Variants in CSMD1 observed in about 807,000 individuals in gnomAD.
CSMD1 encodes the protein CUB and Sushi multiple domains 1, also known as CUB and sushi domain-containing protein 1.
Under a neutral mutation model 417.5 loss-of-function variants are expected in CSMD1, and 213 were observed. That is an observed-to-expected ratio of 0.51 (90% CI 0.46 to 0.57). The LOEUF is 0.57. Ranked by LOEUF, CSMD1 falls within the 20% of genes least tolerant of loss-of-function variation. The pLI, the probability that CSMD1 is intolerant of heterozygous loss-of-function variation, is 0.00. For missense variants in CSMD1, 6,923 were observed against 4,529.7 expected, an observed-to-expected ratio of 1.53 and a Z score of -15.17; for synonymous variants, 2,862 against 1,736.8, an observed-to-expected ratio of 1.65 and a Z score of -16.11.
At chr8:4,750,383 G>A (rs1367873556) in intron 1 of CSMD1, among the ~76,000 whole-genome samples, 3 of 152,076 alleles carry the variant, frequency 2.0e-5, no homozygotes, top group South Asian at 2.1e-4. Flanking sequence ...GTAGTTTAGG[G>A]TTATCAAGAT....
chr8:3,449,777 C>T (rs372540043), intron 12 of CSMD1, among the ~76,000 whole-genome samples: 10 of 152,170 alleles, frequency 6.6e-5, no homozygotes, highest in Non-Finnish European at 1.3e-4. Flanking sequence ...CTTGGCCTCC[C>T]AAAGTGCCAG....
chr8:4,128,140 C>A (rs1021962750), intron 3 of CSMD1, among the ~76,000 whole-genome samples: 11 of 152,246 alleles, frequency 7.2e-5, no homozygotes, highest in African/African-American at 2.6e-4. Flanking sequence ...CTCCCACCCC[C>A]ACCTCTGGAG....
intron 26 of CSMD1, among the ~76,000 whole-genome samples, chr8:3,256,389 C>G (rs1005252979): frequency 2.6e-5 from 4 of 151,892 alleles, no homozygotes; most frequent in Non-Finnish European, 5.9e-5. Context: ...TGGCAGTAGG[C>G]AGACACTGTG....
chr8:4,078,818 T>C (rs2130804923), intron 3 of CSMD1, among the ~76,000 whole-genome samples: 2 of 148,540 alleles, frequency 1.3e-5, no homozygotes, highest in East Asian at 4.0e-4. Flanking sequence ...GGTAGATTAC[T>C]TGAGGTCAGG....
chr8:2,996,036 T>A (rs1166851216), intron 54 of CSMD1, among the ~76,000 whole-genome samples: 1 of 152,156 alleles, frequency 6.6e-6, no homozygotes, highest in Non-Finnish European at 1.5e-5. Context: ...ATTCTACCAC[T>A]GGGTGAGAGT....
At position 3,834,159 on chromosome 8, in the gene CSMD1, A is replaced by G. The variant is rs141530189; in HGVS notation, c.819-80117T>C. On this transcript the variant is annotated intron_variant, in intron 5 of 69. Transcript: ENST00000635120. ...AATTTTACTATTGCTTTATCTATATATACCTATTTTTTACCTATTCTATCA... is the reference window on the plus strand; with the variant it reads ...AATTTTACTATTGCTTTATCTATATGTACCTATTTTTTACCTATTCTATCA... Among the ~76,000 whole-genome samples, 811 of 152,214 alleles carry G rather than the reference A, an allele frequency of 5.3e-3. 32 individuals are homozygous for G. The highest frequency in any genetic ancestry group is 0.05 in the Admixed American group (761 of 15,278).
intron 25 of CSMD1, among the ~76,000 whole-genome samples, chr8:3,288,645 A>G (rs1459904163): frequency 6.8e-6 from 1 of 146,680 alleles, no homozygotes; most frequent in Non-Finnish European, 1.5e-5. Context: ...GGGTGGTGAT[A>G]TCCCTTTTAT....
At chr8:4,559,072 T>G (rs997668292) in intron 2 of CSMD1, among the ~76,000 whole-genome samples, 1 of 152,148 alleles carries the variant, frequency 6.6e-6, no homozygotes, top group Non-Finnish European at 1.5e-5. Flanking sequence ...TAAGCAGTTA[T>G]GAACAGTGAA....
chr8:4,192,827 C>G lies in CSMD1; in HGVS notation c.416-160728G>C, dbSNP rs75445257. 2.7e-4 allele frequency among the ~76,000 whole-genome samples: 41 copies of G among 152,264 alleles called. 1 individual carries two copies. Among genetic ancestry groups the G allele is most frequent in the African/African-American group, 8.7e-4 (36 of 41,544 alleles). Reference sequence around the variant, plus strand: ...CTCCTCACTCATTACTTGTGGTAAACGCTATTAAGCCCAAGATCACTCATG... The same window carrying G: ...CTCCTCACTCATTACTTGTGGTAAAGGCTATTAAGCCCAAGATCACTCATG... On this transcript the variant is annotated intron_variant, in intron 3 of 69. Transcript: ENST00000635120.
In CSMD1 at chr8:3,483,381, T is replaced by C. The variant is rs79531262; in HGVS notation, c.1448+10242A>G. On this transcript the variant is annotated intron_variant, in intron 11 of 69. Coordinates refer to ENST00000635120, the MANE Select transcript of CSMD1 (RefSeq NM_033225.6). ...CTGTAAATTCATAAATTCAACATAT[T>C]ATTAGATATAAACTGATTTGTCAAA... Among the ~76,000 whole-genome samples, 1,176 of 152,156 alleles carry C rather than the reference T, an allele frequency of 7.7e-3. 12 individuals are homozygous for C. The highest frequency in any genetic ancestry group is 0.026 in the African/African-American group (1,100 of 41,564).
chr8:3,863,085 G>A (rs754026015), intron 5 of CSMD1, among the ~76,000 whole-genome samples: 7 of 152,130 alleles, frequency 4.6e-5, no homozygotes, highest in African/African-American at 1.4e-4. Flanking sequence ...AGAGGCAAGA[G>A]AGATCCCTCA....
At chr8:3,313,736 G>T (rs1402660892) in intron 23 of CSMD1, among the ~76,000 whole-genome samples, 2 of 152,100 alleles carry the variant, frequency 1.3e-5, no homozygotes. Flanking sequence ...TCTAGAACTA[G>T]AAATACCATT....
In CSMD1 at chr8:3,409,571, G is replaced by A. The variant is rs764376144; in HGVS notation, c.1596C>T (p.Ile532=). The A allele has an allele frequency of 8.1e-6, 13 of 1,607,620 alleles. No individual in the cohort carries two copies. Among genetic ancestry groups the A allele is most frequent in the African/African-American group, 5.3e-5 (4 of 74,794 alleles). Residue 532 remains isoleucine (I), a synonymous_variant, in exon 13 of 70, where the codon ATC becomes ATT. Transcript: ENST00000635120. ...TGCCCGTCCGCTTCCCATAGGCGGG[G>A]ATTCCAGGATCCCCACACCCTCCCT... is the stretch of plus-strand genomic sequence containing the variant. ...IEKGGCGDPG[I]PAYGKRTGSS...
At chr8:4,090,758 A>G (rs1425450741) in intron 3 of CSMD1, among the ~76,000 whole-genome samples, 1 of 152,208 alleles carries the variant, frequency 6.6e-6, no homozygotes, top group Non-Finnish European at 1.5e-5. Context: ...ATAAAAATTG[A>G]AGTAGTGGGT....
intron 3 of CSMD1, among the ~76,000 whole-genome samples, chr8:4,145,772 G>C (rs1050743061): frequency 2.0e-5 from 3 of 151,012 alleles, no homozygotes; most frequent in African/African-American, 7.4e-5. Flanking sequence ...CAGGTTCTGC[G>C]TCAGCTCGCA....
chr8:3,420,547 G>A (rs1037991305), intron 12 of CSMD1, among the ~76,000 whole-genome samples: 14 of 149,986 alleles, frequency 9.3e-5, no homozygotes, highest in African/African-American at 3.1e-4. Context: ...GCTGTGGGGT[G>A]GACAGAAATG....
chr8:3,675,075 C>G (rs1398108819), intron 7 of CSMD1, among the ~76,000 whole-genome samples: 1 of 152,090 alleles, frequency 6.6e-6, no homozygotes, highest in Non-Finnish European at 1.5e-5. Flanking sequence ...TGACGAATAC[C>G]GTCGACCATA....
At position 3,397,039 on chromosome 8, in the gene CSMD1, G is replaced by A. The variant is rs532564224; in HGVS notation, c.2406-658C>T. Among the ~76,000 whole-genome samples the A allele has an allele frequency of 2.6e-5, 4 of 152,166 alleles. No individual in the cohort carries two copies. The South Asian group carries it at 8.3e-4, about 32-fold the overall frequency. On this transcript the variant is annotated intron_variant, in intron 16 of 69. Transcript: ENST00000635120. ...CTGCTTAAGTTTTCTTATGCTTCCC[G>A]AGAATCTAGCCTGAGATTTTATATA...
intron 5 of CSMD1, among the ~76,000 whole-genome samples, chr8:3,975,160 T>C (rs1403135650): frequency 6.6e-6 from 1 of 152,230 alleles, no homozygotes; most frequent in African/African-American, 2.4e-5. Context: ...GCATGCCTCA[T>C]CTTACAGTAT....
Sources: allele counts gnomAD v4.1 joint callset (sites outside exome capture counted in the v4.1 genomes callset), GRCh38; gene constraint gnomAD v4.1.1; transcripts MANE v1.5; gene names NCBI Gene and HGNC (gene_info 2026-07-23, HGNC 2026-07-21).